Variants in ASAP1 observed in about 807,000 individuals in gnomAD.
The protein encoded by ASAP1 is ArfGAP with SH3 domain, ankyrin repeat and PH domain 1.
Under a neutral mutation model 145.2 loss-of-function variants are expected in ASAP1, and 43 were observed. That is an observed-to-expected ratio of 0.30 (90% CI 0.23 to 0.38). ASAP1 has a LOEUF of 0.38. Among genes scored for constraint, ASAP1 ranks in the 10% least tolerant of loss-of-function variants. The pLI is 1.00. For missense variants in ASAP1, 1,018 were observed against 1,355.3 expected, an observed-to-expected ratio of 0.75 and a Z score of 3.91; for synonymous variants, 546 against 515.5, an observed-to-expected ratio of 1.06 and a Z score of -0.80.
intron 24 of ASAP1, among the ~76,000 whole-genome samples, chr8:130,098,927 C>A (rs987385759): frequency 6.6e-6 from 1 of 151,998 alleles, no homozygotes. Flanking sequence ...TCAGCCTCAT[C>A]CTCCGCTCAA....
At chr8:130,179,665 G>GCAAAAA (rs1814211120) in intron 8 of ASAP1, among the ~76,000 whole-genome samples, 2 of 152,094 alleles carry the variant, frequency 1.3e-5, no homozygotes, top group African/African-American at 4.8e-5. Flanking sequence ...TCAAAAACTG[G>GCAAAAA]AAAGATTGAT....
intron 11 of ASAP1, among the ~76,000 whole-genome samples, chr8:130,165,237 CCT>C (rs1470988428): frequency 1.3e-5 from 2 of 152,136 alleles, no homozygotes; most frequent in African/African-American, 2.4e-5. Context: ...TAACAGTCCT[CCT>C]CTTTATTTTT....
At chr8:130,129,458 T>C (rs2097580014) in intron 15 of ASAP1, among the ~76,000 whole-genome samples, 1 of 152,232 alleles carries the variant, frequency 6.6e-6, no homozygotes, top group Admixed American at 6.5e-5. Flanking sequence ...GAACTTGTAT[T>C]ACTTTCATGA....
chr8:130,299,971 G>A (rs1435668905), intron 3 of ASAP1, among the ~76,000 whole-genome samples: 1 of 152,084 alleles, frequency 6.6e-6, no homozygotes, highest in Admixed American at 6.6e-5. Context: ...TGTGAAATGA[G>A]CCACATATGC....
At chr8:130,144,269 C>A (rs566059139) in intron 13 of ASAP1, among the ~76,000 whole-genome samples, 1 of 152,254 alleles carries the variant, frequency 6.6e-6, no homozygotes, top group East Asian at 1.9e-4. Context: ...GGCTTTTGGC[C>A]TTCCAAACAG....
At chr8:130,098,970 ACT>A (rs1044509703) in intron 24 of ASAP1, among the ~76,000 whole-genome samples, 1 of 145,834 alleles carries the variant, frequency 6.9e-6, no homozygotes, top group African/African-American at 2.6e-5. Context: ...CCTCTCTTAT[ACT>A]CTCTACTAAT....
Position 130,118,244 on chromosome 8 carries a change from C to G in ASAP1, c.1797G>C (p.Glu599Asp), listed in dbSNP as rs367773783. 1.6e-5 allele frequency: 26 copies of G among 1,613,586 alleles called. No individual in the cohort carries two copies. The African/African-American group carries it at 2.5e-4, about 16-fold the overall frequency. ...CAAGGTGAAGGGCTGTCTCCCCAAG[C>G]TCCTAAAAAGGGAAAGAAAAGTATA... ...LMEPLLEPGQ[E>D]LGETALHLAV... is the part of the protein sequence containing the mutation. The change falls in exon 20 of 30, where the codon GAG (glutamate) becomes GAC (aspartate). Residue 599 changes from glutamate (E) to aspartate (D), a missense_variant and splice_region_variant. Physicochemically the swap from Glu to Asp is conservative, Grantham distance 45. This residue lies in a region of ASAP1 where 353 missense variants were observed against 375.4 expected (regional missense o/e 0.94). Transcript: ENST00000518721.
intron 13 of ASAP1, among the ~76,000 whole-genome samples, chr8:130,151,910 G>C (rs776233891): frequency 6.6e-6 from 1 of 152,222 alleles, no homozygotes; most frequent in Non-Finnish European, 1.5e-5. Context: ...AACTAGCCAA[G>C]TTACAGCTGT....
intron 1 of ASAP1, among the ~76,000 whole-genome samples, chr8:130,417,463 C>T (rs936457559): frequency 6.6e-6 from 1 of 152,124 alleles, no homozygotes; most frequent in Non-Finnish European, 1.5e-5. Context: ...TTTCTTGGCT[C>T]GCTCTGACAC....
intron 3 of ASAP1, among the ~76,000 whole-genome samples, chr8:130,253,824 G>T (rs1586690050): frequency 6.6e-6 from 1 of 151,806 alleles, no homozygotes; most frequent in African/African-American, 2.4e-5. Flanking sequence ...TGACAATGAC[G>T]AGCCTGGCCA....
intron 12 of ASAP1, among the ~76,000 whole-genome samples, 200 bp downstream of exon 12, chr8:130,159,664 G>C (rs922300230): frequency 6.6e-6 from 1 of 152,036 alleles, no homozygotes; most frequent in Non-Finnish European, 1.5e-5. Flanking sequence ...AGACAGAAGT[G>C]CCATTTAGGG....
rs754676986 is a variant in ASAP1 at position 130,091,996 on chromosome 8, G to A, written c.2549C>T (p.Pro850Leu). 1.9e-6 allele frequency: 3 copies of A among 1,559,698 alleles called. No homozygotes were observed. The highest frequency in any genetic ancestry group is 4.2e-5 in the Admixed American group (2 of 47,752). The change falls in exon 25 of 30, where the codon CCA (proline) becomes CTA (leucine). Residue 850 changes from proline (P) to leucine (L), a missense_variant. Transcript: ENST00000518721. ...ACCCCAAGGAACTGCGCCTTTGTTT[G>A]GGGGCCCATGAGGTAGTGGGCTGGG... ...DPPSPLPHGPPNKGAVPWGND... is the reference protein window; with the variant it reads ...DPPSPLPHGPLNKGAVPWGND...
chr8:130,232,251 T>C (rs1007354424), intron 4 of ASAP1, among the ~76,000 whole-genome samples: 2 of 152,194 alleles, frequency 1.3e-5, no homozygotes, highest in Admixed American at 6.5e-5. Context: ...TTAGGCTCTA[T>C]CTTTCTAAAG....
intron 11 of ASAP1, 157 bp downstream of exon 11, chr8:130,167,379 A>G (rs1361407181): frequency 5.1e-6 from 4 of 778,558 alleles, no homozygotes; most frequent in Non-Finnish European, 9.4e-6. Flanking sequence ...AGCAAGGAAA[A>G]GGAACTAAAA....
At chr8:130,080,193 G>A (rs2097475936) in intron 25 of ASAP1, among the ~76,000 whole-genome samples, 1 of 152,164 alleles carries the variant, frequency 6.6e-6, no homozygotes, top group South Asian at 2.1e-4. Context: ...TATCAAAGAG[G>A]TGAGCAGCTG....
chr8:130,093,686 A>AAAAAAAAG (rs767063471), intron 24 of ASAP1, among the ~76,000 whole-genome samples: 99 of 131,838 alleles, frequency 7.5e-4, no homozygotes, highest in African/African-American at 1.7e-3. Flanking sequence ...AAAAAAAAAA[A>AAAAAAAAG]AAAGAAAGCT....
intron 3 of ASAP1, among the ~76,000 whole-genome samples, chr8:130,240,458 G>GT (rs1391714334): frequency 1.3e-5 from 2 of 152,064 alleles, no homozygotes; most frequent in Non-Finnish European, 2.9e-5. Flanking sequence ...GTGCTACAAA[G>GT]TTTTATTCCC....
chr8:130,116,796 G>A, intron 21 of ASAP1, 51 bp from the exon 22 acceptor site: 1 of 1,592,600 alleles, frequency 6.3e-7, no homozygotes, highest in Non-Finnish European at 8.6e-7. Context: ...AACACCTTAA[G>A]AAGGCAAGGA....
chr8:130,237,918 C>A (rs1037971589), intron 3 of ASAP1, among the ~76,000 whole-genome samples: 1 of 151,980 alleles, frequency 6.6e-6, no homozygotes, highest in Non-Finnish European at 1.5e-5. Context: ...GATGATATGT[C>A]AAGATTTGGA....
Sources: allele counts gnomAD v4.1 joint callset (sites outside exome capture counted in the v4.1 genomes callset), GRCh38; gene constraint gnomAD v4.1.1; regional missense constraint gnomAD v4.1.1; transcripts MANE v1.5; gene names NCBI Gene and HGNC (gene_info 2026-07-23, HGNC 2026-07-21).